Variants in PCM1 observed in about 807,000 individuals in gnomAD.
The protein encoded by PCM1 is pericentriolar material 1 protein.
PCM1 carries 157 observed loss-of-function variants against 241.9 expected under a neutral mutation model. The ratio of observed to expected loss-of-function variants is 0.65; its 90% CI spans 0.57 to 0.74. PCM1 has a LOEUF of 0.74. Ranked by LOEUF, PCM1 falls within the 30% of genes least tolerant of loss-of-function variation. The probability of loss-of-function intolerance (pLI) is 0.00; values close to 1 mark genes in which losing one functional copy is unlikely to be tolerated. For missense variants in PCM1, 3,478 were observed against 2,360.1 expected, an observed-to-expected ratio of 1.47 and a Z score of -9.81; for synonymous variants, 1,085 against 784.9, an observed-to-expected ratio of 1.38 and a Z score of -6.39.
intron 30 of PCM1, 21 bp from the exon 31 acceptor site, chr8:18,009,526 A>G (rs1045540329): frequency 8.6e-6 from 13 of 1,504,336 alleles, no homozygotes; most frequent in Middle Eastern, 3.4e-4. Context: ...TTTAAAAATT[A>G]TTTGGTTTAT....
At chr8:17,939,125 T>C in intron 5 of PCM1, 116 bp downstream of exon 5, 6 of 860,158 alleles carry the variant, frequency 7.0e-6, no homozygotes, top group Non-Finnish European at 1.1e-5. Context: ...ATTAAAGTGC[T>C]TCACTGACCT....
intron 17 of PCM1, among the ~76,000 whole-genome samples, chr8:17,963,662 G>T (rs1478779005): frequency 6.6e-6 from 1 of 152,132 alleles, no homozygotes; most frequent in African/African-American, 2.4e-5. Flanking sequence ...TCTGCTGTTT[G>T]TAAGGTTCTT....
intron 26 of PCM1, among the ~76,000 whole-genome samples, chr8:17,989,239 A>G (rs540781317): frequency 2.0e-5 from 3 of 151,986 alleles, no homozygotes; most frequent in Non-Finnish European, 4.4e-5. Context: ...AACCAGCAGA[A>G]CTGATCTACA....
rs115151049 is a variant in PCM1 at position 17,947,993 on chromosome 8, A to T, written c.961+630A>T. Among the ~76,000 whole-genome samples, 966 of 152,308 alleles carry T rather than the reference A, an allele frequency of 6.3e-3. 8 individuals carry two copies. The highest frequency in any genetic ancestry group is 0.022 in the African/African-American group (918 of 41,552). ...AGTCTAATTTTGTACGTTTATCATC[A>T]CCTTCAAACTTATTTTAGTTTCTCG... On this transcript the variant is annotated intron_variant, in intron 7 of 38. Transcript: ENST00000325083.
At chr8:18,022,533 C>T (rs1178098799) in intron 36 of PCM1, among the ~76,000 whole-genome samples, 19 of 152,172 alleles carry the variant, frequency 1.2e-4, no homozygotes, top group Non-Finnish European at 1.5e-5. Flanking sequence ...GGTATCCTTC[C>T]CCTAGCAGGT....
chr8:17,967,739 C>T (rs1461938043), intron 21 of PCM1, among the ~76,000 whole-genome samples: 1 of 152,196 alleles, frequency 6.6e-6, no homozygotes, highest in East Asian at 1.9e-4. Context: ...GTATACTAGG[C>T]ACTGTGTAAA....
intron 29 of PCM1, among the ~76,000 whole-genome samples, chr8:17,993,895 T>C (rs1160631457): frequency 1.3e-5 from 2 of 152,158 alleles, no homozygotes; most frequent in South Asian, 2.1e-4. Context: ...CCTTTATTTT[T>C]AGTTTTAGTT....
At chr8:17,926,716 T>C (rs2057105322) in intron 2 of PCM1, 1 of 152,128 alleles carries the variant, frequency 6.6e-6, no homozygotes, top group Non-Finnish European at 1.5e-5. Flanking sequence ...GGTTTGGGTT[T>C]GAGTAAAGAA....
At chr8:17,960,474 G>GA (rs773517707) in intron 15 of PCM1, 30 bp downstream of exon 15, 10 of 1,538,806 alleles carry the variant, frequency 6.5e-6, no homozygotes, top group East Asian at 2.3e-5. Flanking sequence ...CTAATTGTCT[G>GA]AAAAAAGATG....
intron 2 of PCM1, chr8:17,925,225 A>AT (rs1435099804): frequency 1.3e-5 from 2 of 152,146 alleles, no homozygotes; most frequent in African/African-American, 2.4e-5. Context: ...CTTTATTATT[A>AT]TTTTTTGTAC....
chr8:18,001,618 G>T (rs1007407636), intron 29 of PCM1, among the ~76,000 whole-genome samples: 1 of 152,202 alleles, frequency 6.6e-6, no homozygotes, highest in African/African-American at 2.4e-5. Flanking sequence ...ACAATTAGAA[G>T]TGAAAAGTAA....
chr8:18,009,351 C>G (rs1195109665), intron 30 of PCM1, among the ~76,000 whole-genome samples, 196 bp from the exon 31 acceptor site: 2 of 152,094 alleles, frequency 1.3e-5, no homozygotes, highest in African/African-American at 4.8e-5. Context: ...TATGTTCTTC[C>G]CTTGTGTATA....
At chr8:17,957,457 G>T in intron 12 of PCM1, 36 bp downstream of exon 12, 1 of 1,608,780 alleles carries the variant, frequency 6.2e-7, no homozygotes, top group Non-Finnish European at 8.5e-7. Flanking sequence ...ATTTTGCTGT[G>T]TTATTCTTAC....
chr8:17,981,246 C>A (rs559685949), intron 24 of PCM1, among the ~76,000 whole-genome samples: 2 of 152,160 alleles, frequency 1.3e-5, no homozygotes, highest in Non-Finnish European at 2.9e-5. Flanking sequence ...CTATCACATT[C>A]TTTCTTACCT....
intron 38 of PCM1, 22 bp downstream of exon 38, chr8:18,025,680 C>G (rs370070396): frequency 6.8e-6 from 9 of 1,328,516 alleles, no homozygotes; most frequent in Non-Finnish European, 9.4e-6. Context: ...CAATTTAAAT[C>G]TTGCCATATT....
rs1453326254 is a variant in PCM1 at position 17,955,569 on chromosome 8, C to T, written c.1388C>T (p.Ser463Leu). Residue 463 changes from serine (S) to leucine (L), a missense_variant, in exon 10 of 39, where the codon TCA becomes TTA. Coordinates refer to ENST00000325083, the MANE Select transcript of PCM1 (RefSeq NM_006197.4). ...VVNGESNSLT[S>L]SVPYPTASLV... Reference sequence around the variant, plus strand: ...AATGGAGAATCCAATAGCCTCACATCATCTGTTCCTTATCCTACTGCTTCT... The same window carrying T: ...AATGGAGAATCCAATAGCCTCACATTATCTGTTCCTTATCCTACTGCTTCT... 1.2e-6 allele frequency: 2 copies of T among 1,613,514 alleles called. No homozygotes were observed. The highest frequency in any genetic ancestry group is 1.7e-5 in the Admixed American group (1 of 60,002).
chr8:17,932,222 A>G (rs1165976600), intron 2 of PCM1, among the ~76,000 whole-genome samples: 2 of 152,152 alleles, frequency 1.3e-5, no homozygotes, highest in East Asian at 3.8e-4. Flanking sequence ...TTAATTTATC[A>G]CAATTATAGC....
intron 21 of PCM1, among the ~76,000 whole-genome samples, chr8:17,968,085 C>G (rs1049312463): frequency 1.3e-5 from 2 of 150,800 alleles, no homozygotes; most frequent in African/African-American, 4.9e-5. Context: ...GATATTTAAG[C>G]TAAAGAATGA....
chr8:18,014,592 A>C lies in PCM1; in HGVS notation c.5593A>C (p.Asn1865His). 1.2e-6 allele frequency: 2 copies of C among 1,600,644 alleles called. No homozygotes were observed. The highest frequency in any genetic ancestry group is 1.7e-6 in the Non-Finnish European group (2 of 1,171,800). ...EREATSKNDQ[N>H]NCPVKPCYLN... ...CTTTCTTTTGATGACAGATGACCAA[A>C]ATAACTGTCCTGTGAAACCCTGTTA... The change falls in exon 36 of 39, where the codon AAT becomes CAT. Residue 1865 changes from asparagine to histidine, a missense_variant. Transcript: ENST00000325083.
Sources: gnomAD v4.1 joint callset for allele counts (sites outside exome capture counted in the v4.1 genomes callset) on GRCh38, gnomAD v4.1.1 for gene constraint, MANE v1.5 for transcripts, NCBI Gene and HGNC (gene_info 2026-07-23, HGNC 2026-07-21) for gene names.